The following HELZ variants were observed in gnomAD, a reference collection of about 807,000 sequenced individuals.
The protein encoded by HELZ is ATP-dependent RNA helicase with zinc finger domain.
A neutral mutation model predicts 218.2 loss-of-function variants in HELZ; 23 were observed. The ratio of observed to expected loss-of-function variants is 0.11; its 90% CI spans 0.08 to 0.15. The LOEUF (loss-of-function observed/expected upper bound fraction) is 0.15, where lower values mean the gene tolerates loss of function less well. HELZ is among the 10% of genes least tolerant of loss of function. HELZ has a pLI of 1.00. For synonymous variants in HELZ, 814 were observed against 829.4 expected (o/e 0.98, Z 0.32); for missense variants, 1,813 against 2,353.7 (o/e 0.77, Z 4.75).
rs776049204 is a variant in HELZ, at chr17:67,109,293, G to A, written c.4312C>T (p.His1438Tyr). 2 of 1,614,144 alleles carry A rather than the reference G, an allele frequency of 1.2e-6. No individual in the cohort carries two copies. Among genetic ancestry groups the A allele is most frequent in the African/African-American group, 1.3e-5 (1 of 75,018 alleles). Residue 1438 changes from histidine (H) to tyrosine (Y), a missense_variant, in exon 29 of 33, where the codon CAT becomes TAT. His to Tyr is a moderately conservative substitution (Grantham distance 83). Coordinates refer to ENST00000358691, the MANE Select transcript of HELZ (RefSeq NM_014877.4). Reference protein sequence around the residue: ...NNAFFNSAVAHRPQSPPAEAV... With the variant: ...NNAFFNSAVAYRPQSPPAEAV... Reference sequence around the variant, plus strand: ...TCTGCAGGAGGAGACTGTGGCCGATGAGCAACTGCACTATTAAAAAAAGCA... The same window carrying A: ...TCTGCAGGAGGAGACTGTGGCCGATAAGCAACTGCACTATTAAAAAAAGCA...
chr17:67,077,602 T>C lies in HELZ; in HGVS notation c.*650A>G, dbSNP rs117976883. 0.028 allele frequency: 4,287 copies of C among 151,580 alleles called. 94 individuals are homozygous for C. Among genetic ancestry groups the C allele is most frequent in the Non-Finnish European group, 0.043 (2,908 of 67,872 alleles). 9.4% of individuals were successfully genotyped at this position (151,580 alleles called of 1,614,324 possible). On this transcript the variant is annotated 3_prime_UTR_variant, in exon 33 of 33. Coordinates refer to ENST00000358691, the MANE Select transcript of HELZ (RefSeq NM_014877.4). Reference sequence around the variant, plus strand: ...TTTCACATTTCAAAAAACAGTGGCATACAAAATATGCCTGCAAAGAATGCC... The same window carrying C: ...TTTCACATTTCAAAAAACAGTGGCACACAAAATATGCCTGCAAAGAATGCC...
rs565292566 is a variant in HELZ at position 67,072,598 on chromosome 17, A to C, written c.*5654T>G. 11 of 152,482 alleles carry C rather than the reference A, an allele frequency of 7.2e-5. No homozygotes were observed. The highest frequency in any genetic ancestry group is 2.4e-4 in the African/African-American group (10 of 41,470). The allele number at this position is 152,482 out of a possible 1,614,324, so 9.4% of individuals were successfully genotyped here. On this transcript the variant is annotated 3_prime_UTR_variant, in exon 33 of 33. Transcript: ENST00000358691. The stretch of plus-strand genomic sequence containing the variant: ...CAGCAGCGTACACAAAAGCAAACTC[A>C]CCCTAAAACCAAAGAGCTCCTTCAC...
At chr17:67,194,954 T>C (rs1451531281) in intron 8 of HELZ, among the ~76,000 whole-genome samples, 2 of 152,168 alleles carry the variant, frequency 1.3e-5, no homozygotes, top group African/African-American at 2.4e-5. Context: ...CCAATGCCCA[T>C]AGTACACAGC....
At chr17:67,215,163 C>T (rs2040563564) in intron 5 of HELZ, among the ~76,000 whole-genome samples, 1 of 151,444 alleles carries the variant, frequency 6.6e-6, no homozygotes, top group African/African-American at 2.4e-5. Context: ...AAAAAAAAAA[C>T]ACAGGAAAAA....
At chr17:67,078,898 G>GT (rs1243328924) in intron 32 of HELZ, among the ~76,000 whole-genome samples, 5 of 152,216 alleles carry the variant, frequency 3.3e-5, no homozygotes, top group Non-Finnish European at 7.3e-5. Flanking sequence ...ATTTATTCTA[G>GT]TAACTGCTCA....
Position 67,167,621 on chromosome 17 carries a change from A to C in HELZ, c.1606T>G (p.Leu536Val). The change falls in exon 14 of 33, where the codon TTA becomes GTA. Residue 536 changes from leucine (L) to valine (V), a missense_variant. Physicochemically the swap from Leu to Val is conservative, Grantham distance 32. This residue lies in a region of HELZ where 714 missense variants were observed against 1,029.2 expected (regional missense o/e 0.69). Transcript: ENST00000358691. Reference protein sequence around the residue: ...LVMTKVNAVYLLPVPKQKLVQ... With the variant: ...LVMTKVNAVYVLPVPKQKLVQ... Reference sequence around the variant, plus strand: ...AACTTCTGTTTAGGGACTGGTAATAAATAAACAGCATTGACTTTGGTCATC... The same window carrying C: ...AACTTCTGTTTAGGGACTGGTAATACATAAACAGCATTGACTTTGGTCATC... The C allele has an allele frequency of 1.2e-6, 2 of 1,614,192 alleles. No individual in the cohort carries two copies. The highest frequency in any genetic ancestry group is 1.7e-6 in the Non-Finnish European group (2 of 1,180,036).
chr17:67,125,253 AAG>A (rs1719522324), intron 24 of HELZ, among the ~76,000 whole-genome samples: 2 of 129,374 alleles, frequency 1.5e-5, no homozygotes, highest in African/African-American at 6.0e-5. Context: ...CATTAACCTC[AAG>A]AGAAAGCATG....
chr17:67,231,483 C>T (rs1261780949), intron 3 of HELZ, among the ~76,000 whole-genome samples: 2 of 151,326 alleles, frequency 1.3e-5, no homozygotes, highest in Non-Finnish European at 2.9e-5. Flanking sequence ...GTCCTAGCTA[C>T]TCGGGAGGTT....
Position 67,109,104 on chromosome 17 carries a change from A to C in HELZ, c.4489+12T>G. The C allele has an allele frequency of 6.3e-7, 1 of 1,575,886 alleles. No individual in the cohort carries two copies. The highest frequency in any genetic ancestry group is 8.6e-7 in the Non-Finnish European group (1 of 1,156,228). ...TCTCTGAATTTTCACATCTGGCAGT[A>C]ATAGAACTTACCTAAAGCCTCCCCT... On this transcript the variant is annotated intron_variant, in intron 29 of 32. Coordinates refer to ENST00000358691, the MANE Select transcript of HELZ (RefSeq NM_014877.4).
intron 22 of HELZ, among the ~76,000 whole-genome samples, chr17:67,137,377 C>G (rs1228713939): frequency 6.6e-6 from 1 of 152,170 alleles, no homozygotes; most frequent in Non-Finnish European, 1.5e-5. Context: ...ACACATGGTA[C>G]AGTAGAACTA....
intron 3 of HELZ, among the ~76,000 whole-genome samples, chr17:67,233,540 G>A (rs901437821): frequency 8.5e-5 from 13 of 152,088 alleles, no homozygotes; most frequent in African/African-American, 2.9e-4. Flanking sequence ...AAGCTTCCAT[G>A]TTGGTTCTAC....
chr17:67,134,121 C>G (rs545200858), intron 23 of HELZ, among the ~76,000 whole-genome samples: 1 of 152,274 alleles, frequency 6.6e-6, no homozygotes, highest in South Asian at 2.1e-4. Flanking sequence ...CGGTGGCTCA[C>G]GCCTGTAATC....
intron 31 of HELZ, among the ~76,000 whole-genome samples, chr17:67,089,668 T>TATATATATATATATATAGAGAGAGAGAG (rs71293575): frequency 1.4e-5 from 1 of 70,638 alleles, no homozygotes; most frequent in South Asian, 6.7e-4. Context: ...TATATATATA[T>TATATATATATATATATAGAGAGAGAGAG]AGAGAGAGAG....
intron 26 of HELZ, among the ~76,000 whole-genome samples, chr17:67,120,883 G>C (rs1339004138): frequency 3.3e-5 from 5 of 152,122 alleles, no homozygotes; most frequent in African/African-American, 1.2e-4. Flanking sequence ...CTTAAAATTG[G>C]TAATTATTCC....
At chr17:67,220,272 AG>A in intron 3 of HELZ, among the ~76,000 whole-genome samples, 1 of 152,346 alleles carries the variant, frequency 6.6e-6, no homozygotes, top group Non-Finnish European at 1.5e-5. Context: ...AGAGAGCAGC[AG>A]GAGGCAAGAT....
intron 17 of HELZ, among the ~76,000 whole-genome samples, chr17:67,153,197 T>A (rs1007805830): frequency 2.0e-5 from 3 of 152,076 alleles, no homozygotes; most frequent in African/African-American, 7.2e-5. Context: ...TTTGTTTTTT[T>A]AAACAAGACA....
At chr17:67,131,644 AGC>A (rs1483915741) in intron 23 of HELZ, among the ~76,000 whole-genome samples, 1 of 151,990 alleles carries the variant, frequency 6.6e-6, no homozygotes, top group African/African-American at 2.4e-5. Context: ...ACCATTCAGT[AGC>A]TGTGTGACTT....
At chr17:67,180,199 T>A (rs1845342863) in intron 12 of HELZ, among the ~76,000 whole-genome samples, 1 of 152,120 alleles carries the variant, frequency 6.6e-6, no homozygotes, top group Non-Finnish European at 1.5e-5. Context: ...TACTCTGGAT[T>A]GGGGCTGCGC....
intron 24 of HELZ, 43 bp from the exon 25 acceptor site, chr17:67,124,057 A>G: frequency 7.8e-7 from 1 of 1,281,370 alleles, no homozygotes; most frequent in Non-Finnish European, 1.1e-6. Flanking sequence ...AAGCATGTTT[A>G]GTATTAGAAA....
Sources: gnomAD v4.1 joint callset for allele counts (sites outside exome capture counted in the v4.1 genomes callset) on GRCh38, gnomAD v4.1.1 for gene constraint, gnomAD v4.1.1 regional missense constraint, MANE v1.5 for transcripts, NCBI Gene and HGNC (gene_info 2026-07-23, HGNC 2026-07-21) for gene names.